The following DUS2 variants were observed in gnomAD, a reference collection of about 807,000 sequenced individuals.
DUS2 encodes the protein tRNA-dihydrouridine(20) synthase [NAD(P)+]-like.
In DUS2, 52 loss-of-function variants were observed where a neutral mutation model predicts 71.3. That is an observed-to-expected ratio of 0.73 (90% CI 0.58 to 0.92). The LOEUF (loss-of-function observed/expected upper bound fraction) is 0.92, where lower values mean the gene tolerates loss of function less well. Ranked by LOEUF, DUS2 falls within the 40% of genes least tolerant of loss-of-function variation. DUS2 has a pLI of 0.00. For missense variants in DUS2, 558 were observed against 622.6 expected (o/e 0.90, Z 1.10); for synonymous variants, 204 against 227.8 (o/e 0.90, Z 0.94).
intron 2 of DUS2, among the ~76,000 whole-genome samples, chr16:68,031,545 G>A (rs1567468603): frequency 6.6e-6 from 1 of 152,130 alleles, no homozygotes; most frequent in African/African-American, 2.4e-5. Flanking sequence ...GTCACCAGAT[G>A]TACTTGTGGC....
intron 2 of DUS2, among the ~76,000 whole-genome samples, chr16:68,036,648 C>T (rs1001955139): frequency 6.6e-5 from 10 of 152,164 alleles, no homozygotes; most frequent in Admixed American, 4.6e-4. Flanking sequence ...CCATGTTGGC[C>T]AGGCTGGTCT....
intron 7 of DUS2, among the ~76,000 whole-genome samples, chr16:68,059,563 C>T (rs2033910466): frequency 1.3e-5 from 2 of 152,192 alleles, no homozygotes; most frequent in Admixed American, 1.3e-4. Context: ...ATTTTCCAGT[C>T]TACCCATTCT....
intron 12 of DUS2, among the ~76,000 whole-genome samples, chr16:68,072,805 C>T (rs1475977041): frequency 6.6e-6 from 1 of 152,218 alleles, no homozygotes. Context: ...CACTGGGTGT[C>T]CCAGGCAGTC....
At chr16:68,026,498 C>G (rs2033352883) in intron 2 of DUS2, among the ~76,000 whole-genome samples, 1 of 152,068 alleles carries the variant, frequency 6.6e-6, no homozygotes, top group Non-Finnish European at 1.5e-5. Context: ...ATTCCTGGAC[C>G]CTTTGACCTT....
At chr16:68,054,476 G>A (rs1392822302) in intron 5 of DUS2, 98 bp from the exon 6 acceptor site, 1 of 1,280,740 alleles carries the variant, frequency 7.8e-7, no homozygotes, top group East Asian at 2.3e-5. Context: ...GTTGGTGTGT[G>A]GGGTGTGTGT....
intron 12 of DUS2, among the ~76,000 whole-genome samples, chr16:68,073,662 T>G (rs1357650802): frequency 6.6e-6 from 1 of 152,190 alleles, no homozygotes; most frequent in African/African-American, 2.4e-5. Flanking sequence ...TTGGTCAGGC[T>G]GGTCTTGAAC....
chr16:68,052,312 T>C (rs1240841866), intron 4 of DUS2, among the ~76,000 whole-genome samples: 5 of 152,102 alleles, frequency 3.3e-5, no homozygotes, highest in African/African-American at 1.2e-4. Context: ...GTATGAGAGC[T>C]GAAGGGAGAA....
chr16:68,057,845 A>C (rs1226851622), intron 7 of DUS2, among the ~76,000 whole-genome samples: 1 of 148,808 alleles, frequency 6.7e-6, no homozygotes, highest in Non-Finnish European at 1.5e-5. Context: ...ATGCCACTGC[A>C]CTGCAGCCTG....
At chr16:68,045,976 C>T (rs2033694681) in intron 3 of DUS2, among the ~76,000 whole-genome samples, 2 of 152,196 alleles carry the variant, frequency 1.3e-5, no homozygotes, top group South Asian at 4.1e-4. Context: ...CCCCGGCCTC[C>T]CGAAGTGCTG....
chr16:68,053,512 G>C, intron 4 of DUS2, 52 bp from the exon 5 acceptor site: 1 of 1,574,776 alleles, frequency 6.4e-7, no homozygotes, highest in Non-Finnish European at 8.7e-7. Flanking sequence ...TTAGGCTAGC[G>C]TTGAACTTGC....
At chr16:68,030,851 G>C (rs1451645344) in intron 2 of DUS2, among the ~76,000 whole-genome samples, 1 of 151,828 alleles carries the variant, frequency 6.6e-6, no homozygotes, top group African/African-American at 2.4e-5. Flanking sequence ...TTCTGCTTAA[G>C]CCTCCCAGAG....
chr16:68,023,329 C>T lies in DUS2; in HGVS notation c.-121C>T, dbSNP rs140657263. On this transcript the variant is annotated 5_prime_UTR_variant, in exon 1 of 17. Transcript: ENST00000565263. ...AGCACCGTGAGGAAGAAGCGAGGTT[C>T]TTTTTAAGAGTTCAGCTGCGAGGTC... The T allele has an allele frequency of 2.5e-6, 3 of 1,188,538 alleles. No individual in the cohort carries two copies. The highest frequency in any genetic ancestry group is 3.5e-6 in the Non-Finnish European group (3 of 861,034). 73.6% of individuals were successfully genotyped at this position (1,188,538 alleles called of 1,614,324 possible).
chr16:68,060,142 T>G (rs995863125), intron 7 of DUS2, among the ~76,000 whole-genome samples: 24 of 152,162 alleles, frequency 1.6e-4, no homozygotes, highest in Non-Finnish European at 1.2e-4. Flanking sequence ...TGATCTTATT[T>G]CAAATGAAGG....
chr16:68,035,283 G>A (rs1490788052), intron 2 of DUS2, among the ~76,000 whole-genome samples: 3 of 152,122 alleles, frequency 2.0e-5, no homozygotes, highest in Non-Finnish European at 2.9e-5. Context: ...GACAGTTCAT[G>A]CAGAGCTAAT....
chr16:68,027,683 C>A (rs2033374250), intron 2 of DUS2, among the ~76,000 whole-genome samples: 1 of 152,262 alleles, frequency 6.6e-6, no homozygotes, highest in Non-Finnish European at 1.5e-5. Context: ...CAGATAGTTG[C>A]TCTTCTATTA....
rs765739952 is a variant in DUS2, at chr16:68,049,525, G to A, written c.147G>A (p.Met49Ile). 9.3e-6 allele frequency: 15 copies of A among 1,614,080 alleles called. No homozygotes were observed. Among genetic ancestry groups the A allele is most frequent in the East Asian group, 4.5e-5 (2 of 44,904 alleles). ...TGCAGGAGCTGATCGACCTCAAGATGATTCAGTGCAAGAGAGTTGTTAATG... is the reference window on the plus strand; with the variant it reads ...TGCAGGAGCTGATCGACCTCAAGATAATTCAGTGCAAGAGAGTTGTTAATG... ...VYCEELIDLK[M>I]IQCKRVVNEV... Residue 49 changes from methionine (M) to isoleucine (I), a missense_variant, in exon 4 of 17, where the codon ATG becomes ATA. Met to Ile is a conservative substitution (Grantham distance 10, BLOSUM62 1). Coordinates refer to ENST00000565263, the MANE Select transcript of DUS2 (RefSeq NM_017803.5).
chr16:68,053,627 G>C lies in DUS2; in HGVS notation c.236G>C (p.Arg79Thr). The change falls in exon 5 of 17, where the codon AGA (arginine) becomes ACA (threonine). Residue 79 changes from arginine to threonine, a missense_variant. Transcript: ENST00000565263. ...CGAGTTGTCTTCCGCACCTGTGAAA[G>C]AGAGCAGAACAGGGTGGTCTTCCAG... Reference protein sequence around the residue: ...DDRVVFRTCEREQNRVVFQMG... With the variant: ...DDRVVFRTCETEQNRVVFQMG... 6.2e-7 allele frequency: 1 copy of C among 1,614,244 alleles called. No homozygotes were observed. Among genetic ancestry groups the C allele is most frequent in the Non-Finnish European group, 8.5e-7 (1 of 1,180,040 alleles).
chr16:68,036,954 T>A (rs554152270), intron 2 of DUS2, among the ~76,000 whole-genome samples: 14 of 152,266 alleles, frequency 9.2e-5, no homozygotes, highest in African/African-American at 3.4e-4. Flanking sequence ...CTATTTCAAA[T>A]TGCAACCCAT....
chr16:68,032,393 G>T (rs1395979564), intron 2 of DUS2, among the ~76,000 whole-genome samples: 1 of 152,192 alleles, frequency 6.6e-6, no homozygotes, highest in Non-Finnish European at 1.5e-5. Flanking sequence ...TTGTTGTCCT[G>T]GTGGTCTCCA....
Sources: gnomAD v4.1 joint callset for allele counts (sites outside exome capture counted in the v4.1 genomes callset) on GRCh38, gnomAD v4.1.1 for gene constraint, MANE v1.5 for transcripts, NCBI Gene and HGNC (gene_info 2026-07-23, HGNC 2026-07-21) for gene names.